Variants in SEMA5A observed in about 807,000 individuals in gnomAD.
SEMA5A encodes semaphorin-5A.
SEMA5A carries 55 observed loss-of-function variants against 135.5 expected under a neutral mutation model. That is an observed-to-expected ratio of 0.41 (90% CI 0.33 to 0.51). The LOEUF (loss-of-function observed/expected upper bound fraction) is 0.51. SEMA5A is among the 20% of genes least tolerant of loss of function. SEMA5A has a pLI of 0.37. For missense variants in SEMA5A, 1,290 were observed against 1,419.9 expected (o/e 0.91, Z 1.47); for synonymous variants, 580 against 546.5 (o/e 1.06, Z -0.85).
chr5:9,180,472 T>A (rs1744442783), intron 11 of SEMA5A, among the ~76,000 whole-genome samples: 1 of 152,090 alleles, frequency 6.6e-6, no homozygotes, highest in Non-Finnish European at 1.5e-5. Flanking sequence ...GATTTATAAT[T>A]TCTGGTGAGA....
chr5:9,438,489 T>C (rs1758114275), intron 1 of SEMA5A, among the ~76,000 whole-genome samples: 1 of 152,236 alleles, frequency 6.6e-6, no homozygotes, highest in African/African-American at 2.4e-5. Context: ...ATGTTGTCAT[T>C]GGATGGAAAG....
chr5:9,111,826 C>T (rs1440197276), intron 15 of SEMA5A, among the ~76,000 whole-genome samples: 1 of 152,180 alleles, frequency 6.6e-6, no homozygotes, highest in African/African-American at 2.4e-5. Context: ...AAAGTGTTTT[C>T]CTCTGACCCT....
chr5:9,218,567 G>T (rs890069007), intron 8 of SEMA5A, among the ~76,000 whole-genome samples: 1 of 152,176 alleles, frequency 6.6e-6, no homozygotes, highest in Non-Finnish European at 1.5e-5. Flanking sequence ...GCTGACTAAG[G>T]TTAGCAGCTG....
At chr5:9,149,916 G>C (rs1173002802) in intron 12 of SEMA5A, among the ~76,000 whole-genome samples, 8 of 152,166 alleles carry the variant, frequency 5.3e-5, no homozygotes. Flanking sequence ...TTCTGACTTC[G>C]CATTGGTGTT....
At chr5:9,525,162 T>G (rs1232423472) in intron 1 of SEMA5A, among the ~76,000 whole-genome samples, 1 of 152,254 alleles carries the variant, frequency 6.6e-6, no homozygotes, top group East Asian at 1.9e-4. Flanking sequence ...AAAGTTTCAT[T>G]GGAACACAGT....
At chr5:9,119,562 T>C (rs764452759) in intron 14 of SEMA5A, among the ~76,000 whole-genome samples, 1 of 152,200 alleles carries the variant, frequency 6.6e-6, no homozygotes, top group Non-Finnish European at 1.5e-5. Context: ...AAGTGCACCT[T>C]TGGACAAAAT....
chr5:9,072,487 A>G (rs1737822304), intron 16 of SEMA5A, among the ~76,000 whole-genome samples: 1 of 152,212 alleles, frequency 6.6e-6, no homozygotes, highest in Admixed American at 6.5e-5. Context: ...TCATGTGAGA[A>G]ACTACACAGG....
At chr5:9,429,070 G>A (rs1007036177) in intron 2 of SEMA5A, among the ~76,000 whole-genome samples, 2 of 152,134 alleles carry the variant, frequency 1.3e-5, no homozygotes, top group African/African-American at 4.8e-5. Flanking sequence ...ACACAGAGGG[G>A]GTGTGACTTA....
In SEMA5A at chr5:9,190,400, A is replaced by G. The variant is rs1745038579; in HGVS notation, c.1140T>C (p.Ile380=). 2 of 1,613,862 alleles carry G rather than the reference A, an allele frequency of 1.2e-6. No homozygotes were observed. Among genetic ancestry groups the G allele is most frequent in the Non-Finnish European group, 1.7e-6 (2 of 1,180,028 alleles). The stretch of plus-strand genomic sequence containing the variant: ...CTGGCTGTACCACCTCATGCATCAG[A>G]ATGAACTTCTGAGCATCCTGCAGAT... ...ERNLQDAQKF[I]LMHEVVQPVT... Residue 380 remains isoleucine, a synonymous_variant, in exon 11 of 23, where the codon ATT becomes ATC. Coordinates refer to ENST00000382496, the MANE Select transcript of SEMA5A (RefSeq NM_003966.3).
chr5:9,221,350 T>C (rs1451558236), intron 8 of SEMA5A, among the ~76,000 whole-genome samples: 2 of 145,698 alleles, frequency 1.4e-5, no homozygotes, highest in African/African-American at 5.1e-5. Flanking sequence ...TCACCCAGGC[T>C]GGAGTGCAGT....
chr5:9,379,903 C>A lies in SEMA5A; in HGVS notation c.44G>T (p.Gly15Val), dbSNP rs2126478826. The change falls in exon 3 of 23, where the codon GGG (glycine) becomes GTG (valine). Residue 15 changes from glycine (G) to valine (V), a missense_variant. By Grantham distance (109) the Gly-to-Val change is moderately radical. Around this residue, in one of 3 missense-constraint regions of SEMA5A, gnomAD observed 116 missense variants for 121.3 expected, o/e 0.96. Transcript: ENST00000382496. ...CTCTGGGTGGGCGAGTCTCCACAGC[C>A]CCAGGCTTGAGAACAGCCATGCTAT... ...CVIAWLFSSL[G>V]LWRLAHPEAQ... The A allele has an allele frequency of 6.2e-7, 1 of 1,613,950 alleles. No individual in the cohort carries two copies. The highest frequency in any genetic ancestry group is 8.5e-7 in the Non-Finnish European group (1 of 1,179,970).
In SEMA5A at chr5:9,374,549, C is replaced by T. The variant is rs551497705; in HGVS notation, c.124+5274G>A. Among the ~76,000 whole-genome samples the T allele has an allele frequency of 5.3e-5, 8 of 152,050 alleles. 1 individual carries two copies. Among genetic ancestry groups the T allele is most frequent in the South Asian group, 4.2e-4 (2 of 4,806 alleles). ...TTACAAAAAAGCGTTCACGGGGAGT[C>T]GCAGAGACCACTTGTTCAGCTGTAA... On this transcript the variant is annotated intron_variant, in intron 3 of 22. Transcript: ENST00000382496.
intron 11 of SEMA5A, among the ~76,000 whole-genome samples, chr5:9,182,329 C>A (rs373643177): frequency 2.6e-5 from 4 of 152,096 alleles, no homozygotes; most frequent in Admixed American, 1.3e-4. Context: ...TAATTGCACC[C>A]ATTCTCTCAC....
chr5:9,154,772 T>C, intron 11 of SEMA5A, 77 bp from the exon 12 acceptor site: 1 of 1,267,710 alleles, frequency 7.9e-7, no homozygotes, highest in Non-Finnish European at 1.1e-6. Flanking sequence ...CAGAGTGTGC[T>C]GTGTATGCAG....
chr5:9,482,673 C>A (rs1453343881), intron 1 of SEMA5A, among the ~76,000 whole-genome samples: 1 of 152,214 alleles, frequency 6.6e-6, no homozygotes, highest in African/African-American at 2.4e-5. Flanking sequence ...GCTACTATCA[C>A]AATGTCACTG....
chr5:9,108,393 T>C (rs1740043149), intron 15 of SEMA5A, 106 bp from the exon 16 acceptor site: 2 of 1,329,744 alleles, frequency 1.5e-6, no homozygotes, highest in Non-Finnish European at 2.1e-6. Context: ...ATGGGCATGC[T>C]CTGCGTGGAG....
chr5:9,329,380 T>G (rs1295162713), intron 4 of SEMA5A, among the ~76,000 whole-genome samples: 1 of 152,194 alleles, frequency 6.6e-6, no homozygotes, highest in Non-Finnish European at 1.5e-5. Context: ...GGTGTGGCTG[T>G]GTGCCAATAA....
chr5:9,513,678 A>G (rs773554472), intron 1 of SEMA5A, among the ~76,000 whole-genome samples: 1 of 152,198 alleles, frequency 6.6e-6, no homozygotes, highest in Non-Finnish European at 1.5e-5. Context: ...CACTGATTCC[A>G]TCTACTTCTG....
intron 13 of SEMA5A, among the ~76,000 whole-genome samples, chr5:9,136,004 G>T (rs1741718413): frequency 1.3e-5 from 2 of 152,308 alleles, no homozygotes; most frequent in African/African-American, 4.8e-5. Context: ...ACGCACACTA[G>T]GCGGTCTCTT....
Sources: allele counts gnomAD v4.1 joint callset (sites outside exome capture counted in the v4.1 genomes callset), GRCh38; gene constraint gnomAD v4.1.1; regional missense constraint gnomAD v4.1.1; transcripts MANE v1.5; gene names NCBI Gene and HGNC (gene_info 2026-07-23, HGNC 2026-07-21).